Variants in SIK3 observed in about 807,000 individuals in gnomAD.
SIK3 encodes the protein SIK family kinase 3.
In SIK3, 28 loss-of-function variants were observed where a neutral mutation model predicts 144.2. That is an observed-to-expected ratio of 0.19 (90% CI 0.14 to 0.27). The LOEUF (loss-of-function observed/expected upper bound fraction) is 0.27. SIK3 is among the 10% of genes least tolerant of loss of function. The probability of loss-of-function intolerance (pLI) is 1.00; values close to 1 mark genes in which losing one functional copy is unlikely to be tolerated. For synonymous variants in SIK3, 686 were observed against 676.3 expected (o/e 1.01, Z -0.22); for missense variants, 1,319 against 1,776.0 (o/e 0.74, Z 4.62).
At chr11:116,979,866 A>AC (rs1950079765) in intron 1 of SIK3, among the ~76,000 whole-genome samples, 1 of 150,232 alleles carries the variant, frequency 6.7e-6, no homozygotes, top group South Asian at 2.1e-4. Context: ...AAGAAAAAAA[A>AC]GAGAGAGAGA....
intron 6 of SIK3, among the ~76,000 whole-genome samples, chr11:116,887,423 C>A (rs1424083949): frequency 2.0e-5 from 3 of 151,858 alleles, no homozygotes; most frequent in Non-Finnish European, 2.9e-5. Context: ...TCAAGACCAG[C>A]CTGGCCAACA....
chr11:116,876,575 A>G (rs1400487773), intron 7 of SIK3, among the ~76,000 whole-genome samples: 2 of 152,200 alleles, frequency 1.3e-5, no homozygotes, highest in African/African-American at 2.4e-5. Context: ...GCATGGCCAT[A>G]GTGGTTTAAA....
intron 1 of SIK3, among the ~76,000 whole-genome samples, chr11:116,978,500 GA>G (rs1340763975): frequency 1.3e-5 from 2 of 151,874 alleles, no homozygotes; most frequent in African/African-American, 4.8e-5. Context: ...TATGCAAATA[GA>G]ATCATACTCG....
At chr11:116,964,870 G>A (rs1034724168) in intron 1 of SIK3, among the ~76,000 whole-genome samples, 106 of 151,212 alleles carry the variant, frequency 7.0e-4, no homozygotes, top group African/African-American at 2.5e-3. Context: ...CAACAAGAGC[G>A]AAACTCCATC....
intron 1 of SIK3, among the ~76,000 whole-genome samples, chr11:117,096,808 T>C (rs989995645): frequency 6.6e-6 from 1 of 152,048 alleles, no homozygotes; most frequent in Non-Finnish European, 1.5e-5. Context: ...GATAAGTCAC[T>C]GGCTTCAGAA....
intron 3 of SIK3, among the ~76,000 whole-genome samples, chr11:116,944,033 A>G (rs1948449013): frequency 6.6e-6 from 1 of 152,114 alleles, no homozygotes. Flanking sequence ...TTCTTTTTTC[A>G]TAGTAAGTCT....
At chr11:116,952,014 T>C (rs1948959646) in intron 3 of SIK3, among the ~76,000 whole-genome samples, 1 of 152,094 alleles carries the variant, frequency 6.6e-6, no homozygotes, top group African/African-American at 2.4e-5. Context: ...GTAAGGTAGA[T>C]TGATGTGCCC....
chr11:117,041,481 T>C (rs1256517084), intron 1 of SIK3, among the ~76,000 whole-genome samples: 1 of 152,182 alleles, frequency 6.6e-6, no homozygotes, highest in Non-Finnish European at 1.5e-5. Context: ...ATAAAAAAAA[T>C]CCTTTTCCTC....
At position 116,847,806 on chromosome 11, in the gene SIK3, G is replaced by A. The variant is rs776993832; in HGVS notation, c.3820-198C>T. Reference sequence around the variant, plus strand: ...GGAAGCTGCTTGGCTCTGCCCAGTGGGGGGGCTGAGGGTGGGGCGGATGTG... The same window carrying A: ...GGAAGCTGCTTGGCTCTGCCCAGTGAGGGGGCTGAGGGTGGGGCGGATGTG... On this transcript the variant is annotated intron_variant, in intron 22 of 24. Transcript: ENST00000445177. 7.9e-5 allele frequency among the ~76,000 whole-genome samples: 12 copies of A among 152,274 alleles called. 1 individual carries two copies. Among genetic ancestry groups the A allele is most frequent in the South Asian group, 4.1e-4 (2 of 4,822 alleles).
At chr11:116,952,132 C>G (rs1340993484) in intron 3 of SIK3, among the ~76,000 whole-genome samples, 1 of 151,746 alleles carries the variant, frequency 6.6e-6, no homozygotes, top group Non-Finnish European at 1.5e-5. Flanking sequence ...AAATAAAATA[C>G]CTAACAGGCA....
At chr11:116,960,148 A>G (rs960901501) in intron 1 of SIK3, among the ~76,000 whole-genome samples, 2 of 152,212 alleles carry the variant, frequency 1.3e-5, no homozygotes, top group Non-Finnish European at 2.9e-5. Flanking sequence ...CTTAGAAGGC[A>G]CGTACAAAGA....
chr11:116,990,763 T>A (rs1183926647), intron 1 of SIK3, among the ~76,000 whole-genome samples: 1 of 152,104 alleles, frequency 6.6e-6, no homozygotes, highest in Non-Finnish European at 1.5e-5. Context: ...CTACCAAACC[T>A]CCTCTTCCAC....
intron 1 of SIK3, among the ~76,000 whole-genome samples, chr11:117,003,167 CT>C (rs1195650001): frequency 3.3e-5 from 5 of 152,182 alleles, no homozygotes; most frequent in Admixed American, 3.3e-4. Context: ...CATTAAGTCT[CT>C]TGCAACGAAT....
rs568904230 is a variant in SIK3, at chr11:116,890,809, G to T, written c.865+5444C>A. 3.3e-5 allele frequency among the ~76,000 whole-genome samples: 5 copies of T among 152,248 alleles called. No homozygotes were observed. In the South Asian group the frequency reaches 1.0e-3, roughly 32 times the overall value. On this transcript the variant is annotated intron_variant, in intron 6 of 24. Coordinates refer to ENST00000445177, the MANE Select transcript of SIK3 (RefSeq NM_001366686.3). ...GGAAATGCTCCAGAAAACAGAACTT[G>T]TTCAGGGAACGAGAAGAAAATTAGG...
intron 1 of SIK3, among the ~76,000 whole-genome samples, chr11:117,034,040 G>A (rs909917061): frequency 7.9e-5 from 12 of 152,052 alleles, no homozygotes; most frequent in African/African-American, 2.2e-4. Flanking sequence ...ATTTATAATC[G>A]CTGCCATGTA....
chr11:117,085,830 C>G (rs565678329), intron 1 of SIK3, among the ~76,000 whole-genome samples: 1 of 151,974 alleles, frequency 6.6e-6, no homozygotes, highest in African/African-American at 2.4e-5. Flanking sequence ...ACAAAAAATA[C>G]AAAAATTGGC....
chr11:116,906,185 T>C (rs142869190), intron 4 of SIK3, among the ~76,000 whole-genome samples: 57 of 152,190 alleles, frequency 3.7e-4, no homozygotes, highest in East Asian at 3.5e-3. Flanking sequence ...AGATGAGATA[T>C]TGAAAATGAA....
Position 116,863,710 on chromosome 11 carries a change from CAGGTG to C in SIK3, c.2056_2060del (p.His686GlyfsTer17). 1 of 1,614,132 alleles carries C rather than the reference CAGGTG, an allele frequency of 6.2e-7. No individual in the cohort carries two copies. ...TGCTGCTGTTGTTGCCCATTTTTTC[CAGGTG>C]AGCTTTGAAGGCCTGGATGCTCGCA... On this transcript the variant is annotated frameshift_variant, in exon 16 of 25. Transcript: ENST00000445177. LOFTEE classifies it high-confidence loss of function.
chr11:116,959,723 C>T (rs940928105), intron 1 of SIK3, among the ~76,000 whole-genome samples: 3 of 152,056 alleles, frequency 2.0e-5, no homozygotes, highest in Non-Finnish European at 4.4e-5. Context: ...TTGTGTGGCT[C>T]CCAGTCAGCC....
Sources: gnomAD v4.1 joint callset for allele counts (sites outside exome capture counted in the v4.1 genomes callset) on GRCh38, gnomAD v4.1.1 for gene constraint, MANE v1.5 for transcripts, NCBI Gene and HGNC (gene_info 2026-07-23, HGNC 2026-07-21) for gene names.